The following RIT2 variants were observed in gnomAD, a reference collection of about 807,000 sequenced individuals.
The protein encoded by RIT2 is GTP-binding protein Rit2.
A neutral mutation model predicts 23.7 loss-of-function variants in RIT2; 24 were observed. The observed-to-expected ratio is 1.01, with a 90% CI of 0.73 to 1.43. The LOEUF (loss-of-function observed/expected upper bound fraction) is 1.43, where lower values mean the gene tolerates loss of function less well. Among genes scored for constraint, RIT2 ranks in the 40% most tolerant of loss-of-function variants. The probability of loss-of-function intolerance (pLI) is 0.00; values close to 1 mark genes in which losing one functional copy is unlikely to be tolerated. For synonymous variants in RIT2, 107 were observed against 91.1 expected (o/e 1.17, Z -0.99); for missense variants, 236 against 266.9 (o/e 0.88, Z 0.81).
chr18:42,779,579 C>A (rs1035031663), intron 4 of RIT2, among the ~76,000 whole-genome samples: 2 of 152,036 alleles, frequency 1.3e-5, no homozygotes, highest in Non-Finnish European at 2.9e-5. Context: ...TTAATAAGTA[C>A]CTGGTGCAAT....
Position 42,844,818 on chromosome 18 carries a change from G to A in RIT2, c.426+78754C>T, listed in dbSNP as rs181993268. Among the ~76,000 whole-genome samples the A allele has an allele frequency of 9.2e-4, 140 of 152,188 alleles. 2 individuals carry two copies. Among genetic ancestry groups the A allele is most frequent in the South Asian group, 7.1e-3 (34 of 4,818 alleles). ...TCAGGCTACCTTGGCTTGAAGGTGGGGTTTTACAGGGGACCTGCCCCTATC... is the reference window on the plus strand; with the variant it reads ...TCAGGCTACCTTGGCTTGAAGGTGGAGTTTTACAGGGGACCTGCCCCTATC... On this transcript the variant is annotated intron_variant, in intron 4 of 4. Transcript: ENST00000326695.
intron 4 of RIT2, among the ~76,000 whole-genome samples, chr18:42,828,425 G>T (rs1906365454): frequency 6.6e-6 from 1 of 152,172 alleles, no homozygotes; most frequent in African/African-American, 2.4e-5. Context: ...ATTACCTGTA[G>T]ATTTTTAAAC....
intron 1 of RIT2, among the ~76,000 whole-genome samples, chr18:43,046,815 C>T (rs1014434377): frequency 6.6e-6 from 1 of 152,094 alleles, no homozygotes; most frequent in Non-Finnish European, 1.5e-5. Context: ...TAGACAAATG[C>T]AATTGTCTTT....
intron 3 of RIT2, among the ~76,000 whole-genome samples, chr18:42,941,324 C>T (rs976101098): frequency 7.9e-5 from 12 of 152,128 alleles, no homozygotes; most frequent in Middle Eastern, 3.4e-3. Context: ...TATTCCCTTG[C>T]CTAGAAGTAC....
chr18:42,796,182 G>A (rs1041333069), intron 4 of RIT2, among the ~76,000 whole-genome samples: 16 of 152,170 alleles, frequency 1.1e-4, no homozygotes, highest in African/African-American at 2.2e-4. Context: ...CACTCACGGC[G>A]AAGGTCTGCA....
At chr18:43,009,701 T>A (rs1292440646) in intron 2 of RIT2, among the ~76,000 whole-genome samples, 1 of 151,722 alleles carries the variant, frequency 6.6e-6, no homozygotes, top group East Asian at 1.9e-4. Context: ...TTATGTTTAA[T>A]TCTAAAACAT....
intron 4 of RIT2, among the ~76,000 whole-genome samples, chr18:42,844,417 G>A (rs923091116): frequency 7.2e-5 from 11 of 152,170 alleles, no homozygotes; most frequent in African/African-American, 2.7e-4. Context: ...ACACTTGAAG[G>A]ATGATGAAGA....
intron 2 of RIT2, among the ~76,000 whole-genome samples, chr18:43,004,092 G>A (rs1463370510): frequency 1.3e-5 from 2 of 151,824 alleles, no homozygotes; most frequent in Non-Finnish European, 2.9e-5. Context: ...CAGTAGAGAT[G>A]ACTATTCTGG....
chr18:43,000,362 A>G (rs1053353603), intron 2 of RIT2, among the ~76,000 whole-genome samples: 10 of 152,072 alleles, frequency 6.6e-5, no homozygotes, highest in African/African-American at 2.2e-4. Context: ...TGTAACCGCT[A>G]TCCCAAAGGT....
chr18:42,903,468 T>C (rs1908530253), intron 4 of RIT2, among the ~76,000 whole-genome samples: 1 of 152,090 alleles, frequency 6.6e-6, no homozygotes, highest in African/African-American at 2.4e-5. Flanking sequence ...AAAATATATA[T>C]GTATAGATAC....
intron 4 of RIT2, among the ~76,000 whole-genome samples, chr18:42,808,715 A>G (rs1340769554): frequency 6.6e-6 from 1 of 152,146 alleles, no homozygotes; most frequent in Non-Finnish European, 1.5e-5. Flanking sequence ...TTTTTTAAAT[A>G]CCAGAAAAAA....
chr18:43,114,176 AT>A (rs1202797271), intron 1 of RIT2, among the ~76,000 whole-genome samples: 1 of 152,054 alleles, frequency 6.6e-6, no homozygotes, highest in African/African-American at 2.4e-5. Flanking sequence ...GAGATGAATA[AT>A]TTTTTTCACT....
At chr18:42,909,642 C>T (rs1908715975) in intron 4 of RIT2, among the ~76,000 whole-genome samples, 1 of 151,882 alleles carries the variant, frequency 6.6e-6, no homozygotes, top group Non-Finnish European at 1.5e-5. Flanking sequence ...CAAAACCCAC[C>T]TATACCTAAA....
chr18:42,941,825 A>G (rs1909607244), intron 3 of RIT2, among the ~76,000 whole-genome samples: 2 of 152,112 alleles, frequency 1.3e-5, no homozygotes, highest in South Asian at 4.1e-4. Context: ...TATTCCAGTT[A>G]ATTTTATGAA....
At chr18:42,965,364 A>G (rs1910191273) in intron 3 of RIT2, among the ~76,000 whole-genome samples, 1 of 152,168 alleles carries the variant, frequency 6.6e-6, no homozygotes, top group Non-Finnish European at 1.5e-5. Context: ...TATGATCTAT[A>G]TGCTTCATTC....
At chr18:42,923,007 T>C (rs1017915687) in intron 4 of RIT2, among the ~76,000 whole-genome samples, 1 of 152,150 alleles carries the variant, frequency 6.6e-6, no homozygotes, top group Non-Finnish European at 1.5e-5. Flanking sequence ...TTGCCACTGA[T>C]TCTCTAGGTC....
intron 4 of RIT2, among the ~76,000 whole-genome samples, chr18:42,894,065 G>A (rs576077431): frequency 6.6e-6 from 1 of 152,154 alleles, no homozygotes; most frequent in Non-Finnish European, 1.5e-5. Context: ...ATGTCAGAAC[G>A]CTGATGGCGC....
intron 4 of RIT2, among the ~76,000 whole-genome samples, chr18:42,885,413 G>A (rs565796808): frequency 3.3e-5 from 5 of 151,998 alleles, no homozygotes; most frequent in Non-Finnish European, 7.4e-5. Flanking sequence ...GTGAAACCCC[G>A]TCTTTACTAA....
At chr18:43,074,003 G>A (rs997625726) in intron 1 of RIT2, among the ~76,000 whole-genome samples, 4 of 152,096 alleles carry the variant, frequency 2.6e-5, no homozygotes, top group East Asian at 1.9e-4. Context: ...CCTGTTGTGC[G>A]GGGATCATAA....
Sources: allele counts gnomAD v4.1 joint callset (sites outside exome capture counted in the v4.1 genomes callset), GRCh38; gene constraint gnomAD v4.1.1; transcripts MANE v1.5; gene names NCBI Gene and HGNC (gene_info 2026-07-23, HGNC 2026-07-21).